Variants in USP25 observed in about 807,000 individuals in gnomAD.
USP25 encodes the protein ubiquitin specific peptidase 25, also known as ubiquitin carboxyl-terminal hydrolase 25.
USP25 carries 85 observed loss-of-function variants against 158.5 expected under a neutral mutation model. That is an observed-to-expected ratio of 0.54 (90% CI 0.45 to 0.64). USP25 has a LOEUF of 0.64. USP25 is among the 30% of genes least tolerant of loss of function. The pLI is 0.00. For synonymous variants in USP25, 464 were observed against 460.4 expected, an observed-to-expected ratio of 1.01 and a Z score of -0.10; for missense variants, 1,242 against 1,327.3, an observed-to-expected ratio of 0.94 and a Z score of 1.00.
At chr21:15,867,700 T>C (rs1001458881) in intron 22 of USP25, among the ~76,000 whole-genome samples, 9 of 152,132 alleles carry the variant, frequency 5.9e-5, no homozygotes, top group African/African-American at 1.9e-4. Flanking sequence ...ACATCAATTT[T>C]ATTCCCTTTT....
At chr21:15,734,536 C>G (rs1181180231) in intron 1 of USP25, among the ~76,000 whole-genome samples, 1 of 152,052 alleles carries the variant, frequency 6.6e-6, no homozygotes, top group Non-Finnish European at 1.5e-5. Context: ...CACATTGTAT[C>G]CAGTCTTTTA....
At chr21:15,829,528 G>A (rs2037695415) in intron 14 of USP25, among the ~76,000 whole-genome samples, 1 of 152,122 alleles carries the variant, frequency 6.6e-6, no homozygotes, top group African/African-American at 2.4e-5. Context: ...TGAAAAACTG[G>A]TATTTTAGTG....
At chr21:15,874,637 G>C in intron 24 of USP25, 111 bp downstream of exon 24, 2 of 1,116,662 alleles carry the variant, frequency 1.8e-6, no homozygotes, top group Non-Finnish European at 2.5e-6. Context: ...ATAAGAACAT[G>C]ATGATGTCTA....
intron 1 of USP25, among the ~76,000 whole-genome samples, chr21:15,747,084 T>A (rs1049615494): frequency 4.6e-5 from 7 of 152,216 alleles, no homozygotes; most frequent in African/African-American, 1.7e-4. Context: ...TCCACTGTGA[T>A]TCTTTTCTGT....
intron 1 of USP25, among the ~76,000 whole-genome samples, chr21:15,762,391 G>C (rs1260091814): frequency 6.6e-6 from 1 of 152,078 alleles, no homozygotes; most frequent in Non-Finnish European, 1.5e-5. Flanking sequence ...GAAGCAAATG[G>C]GGGCAAATGA....
At chr21:15,798,291 A>G (rs1028385129) in intron 5 of USP25, among the ~76,000 whole-genome samples, 2 of 151,280 alleles carry the variant, frequency 1.3e-5, no homozygotes, top group Admixed American at 1.3e-4. Flanking sequence ...GGAACTTTGT[A>G]TCTTTATTGA....
chr21:15,853,246 C>G (rs1042976439), intron 20 of USP25, among the ~76,000 whole-genome samples: 1 of 151,974 alleles, frequency 6.6e-6, no homozygotes, highest in Non-Finnish European at 1.5e-5. Flanking sequence ...TAGACAGTAT[C>G]ACATTATCTT....
At position 15,874,503 on chromosome 21, in the gene USP25, C is replaced by T. The variant is rs143638681; in HGVS notation, c.2986C>T (p.His996Tyr). Residue 996 changes from histidine (H) to tyrosine (Y), a missense_variant, in exon 24 of 26, where the codon CAT becomes TAT. His to Tyr is a moderately conservative substitution (Grantham distance 83). Transcript: ENST00000400183. ...YRGHDEELIS[H>Y]YRRECLLKLN... ...AGGACATGATGAAGAATTGATATCACATTATAGAAGAGAATGTTTGCTAGT... is the reference window on the plus strand; with the variant it reads ...AGGACATGATGAAGAATTGATATCATATTATAGAAGAGAATGTTTGCTAGT... 21 of 1,604,602 alleles carry T rather than the reference C, an allele frequency of 1.3e-5. No individual in the cohort carries two copies. Among genetic ancestry groups the T allele is most frequent in the Non-Finnish European group, 1.7e-5 (20 of 1,177,328 alleles).
intron 20 of USP25, among the ~76,000 whole-genome samples, chr21:15,859,475 G>C (rs548200508): frequency 1.3e-5 from 2 of 152,080 alleles, no homozygotes; most frequent in African/African-American, 2.4e-5. Flanking sequence ...GATTACAGGC[G>C]TGAGCCACTG....
chr21:15,742,202 G>A (rs976264335), intron 1 of USP25, among the ~76,000 whole-genome samples: 9 of 151,398 alleles, frequency 5.9e-5, no homozygotes, highest in African/African-American at 1.9e-4. Flanking sequence ...TTGGGTTTTT[G>A]TTGTTGCTGT....
At chr21:15,860,971 TATATAGAG>T (rs1225032845) in intron 20 of USP25, among the ~76,000 whole-genome samples, 3 of 143,566 alleles carry the variant, frequency 2.1e-5, no homozygotes, top group Non-Finnish European at 4.5e-5. Context: ...TATATATATA[TATATAGAG>T]AGAGAGAGAG....
Position 15,826,176 on chromosome 21 carries a change from A to C in USP25, c.1305-28A>C, listed in dbSNP as rs1328914410. 1.2e-6 allele frequency: 2 copies of C among 1,609,234 alleles called. No homozygotes were observed. Among genetic ancestry groups the C allele is most frequent in the Non-Finnish European group, 1.7e-6 (2 of 1,176,842 alleles). On this transcript the variant is annotated intron_variant, in intron 12 of 25. Coordinates refer to ENST00000400183, the MANE Select transcript of USP25 (RefSeq NM_001283041.3). The surrounding 1 kb of genome is among the most constrained non-coding windows in gnomAD (Gnocchi z 4.8). ...CCAAATATGCTGTATATAGAAATAA[A>C]AGCATTTGTACATTTTATGATTAAC...
chr21:15,761,156 A>G (rs1024256269), intron 1 of USP25, among the ~76,000 whole-genome samples: 1 of 152,210 alleles, frequency 6.6e-6, no homozygotes, highest in African/African-American at 2.4e-5. Context: ...CATTTTCGGC[A>G]GGGCTATCTC....
chr21:15,873,864 A>T (rs543540551), intron 23 of USP25, among the ~76,000 whole-genome samples: 1 of 152,174 alleles, frequency 6.6e-6, no homozygotes, highest in African/African-American at 2.4e-5. Flanking sequence ...GATTTAGAAG[A>T]AATCTTTCAT....
chr21:15,832,966 C>G (rs974519285), intron 16 of USP25, among the ~76,000 whole-genome samples: 1 of 151,852 alleles, frequency 6.6e-6, no homozygotes, highest in African/African-American at 2.4e-5. Flanking sequence ...TGCAGTGAGC[C>G]GAGATTGTGT....
rs2040178878 is a variant in USP25, at chr21:15,878,299, G to A, written c.3206-4G>A. 6 of 1,608,128 alleles carry A rather than the reference G, an allele frequency of 3.7e-6. No individual in the cohort carries two copies. The highest frequency in any genetic ancestry group is 5.1e-6 in the Non-Finnish European group (6 of 1,177,104). ...TAGTTAGATTTAATTGTTTGTATTT[G>A]CAGCACACCTCCAAGAAAAGCTGAC... On this transcript the variant is annotated splice_region_variant and splice_polypyrimidine_tract_variant and intron_variant, in intron 25 of 25. Transcript: ENST00000400183.
At chr21:15,759,493 G>A (rs558558827) in intron 1 of USP25, among the ~76,000 whole-genome samples, 2 of 152,282 alleles carry the variant, frequency 1.3e-5, no homozygotes, top group East Asian at 3.9e-4. Context: ...GTTCAATCTG[G>A]AAGGGAGGGA....
intron 22 of USP25, among the ~76,000 whole-genome samples, chr21:15,866,825 G>A (rs909631647): frequency 1.3e-5 from 2 of 152,026 alleles, no homozygotes; most frequent in Non-Finnish European, 2.9e-5. Flanking sequence ...TTTGACACAC[G>A]AGAAAATAAG....
chr21:15,845,574 A>G (rs1332257781), intron 18 of USP25, among the ~76,000 whole-genome samples: 1 of 152,198 alleles, frequency 6.6e-6, no homozygotes, highest in East Asian at 1.9e-4. Context: ...AAAGGTTTAT[A>G]AAACATTTAT....
Sources: gnomAD v4.1 joint callset for allele counts (sites outside exome capture counted in the v4.1 genomes callset) on GRCh38, gnomAD v4.1.1 for gene constraint, Gnocchi (gnomAD v3.1) non-coding constraint, MANE v1.5 for transcripts, NCBI Gene and HGNC (gene_info 2026-07-23, HGNC 2026-07-21) for gene names.